The following DAB1 variants were observed in gnomAD, a reference collection of about 807,000 sequenced individuals.
DAB1 encodes disabled homolog 1.
In DAB1, 15 loss-of-function variants were observed where a neutral mutation model predicts 64.6. The observed-to-expected ratio is 0.23, with a 90% CI of 0.16 to 0.36. DAB1 has a LOEUF of 0.36. Ranked by LOEUF, DAB1 falls within the 10% of genes least tolerant of loss-of-function variation. DAB1 has a pLI of 1.00. For synonymous variants in DAB1, 235 were observed against 251.9 expected (o/e 0.93, Z 0.64); for missense variants, 596 against 706.7 (o/e 0.84, Z 1.78).
chr1:57,699,003 T>C (rs1646877237), intron 6 of DAB1, among the ~76,000 whole-genome samples: 1 of 152,220 alleles, frequency 6.6e-6, no homozygotes, highest in African/African-American at 2.4e-5. Flanking sequence ...AATGGCATGA[T>C]CATTGCTCAC....
chr1:58,514,160 T>C (rs1293345254), intron 2 of DAB1, among the ~76,000 whole-genome samples: 2 of 152,154 alleles, frequency 1.3e-5, no homozygotes, highest in African/African-American at 4.8e-5. Flanking sequence ...AGTGATGATG[T>C]CATGAATTTA....
At chr1:57,410,291 G>T (rs1378916415) in intron 1 of DAB1, among the ~76,000 whole-genome samples, 1 of 152,146 alleles carries the variant, frequency 6.6e-6, no homozygotes, top group African/African-American at 2.4e-5. Flanking sequence ...AGTGATGGTA[G>T]ACTTTAAAAA....
chr1:57,851,127 T>C (rs932401383), intron 1 of DAB1, among the ~76,000 whole-genome samples: 17 of 152,234 alleles, frequency 1.1e-4, no homozygotes, highest in Non-Finnish European at 4.4e-5. Flanking sequence ...CTCAGCTGAA[T>C]GCTAGCATCT....
chr1:57,388,051 C>T (rs183416079), intron 1 of DAB1, among the ~76,000 whole-genome samples: 1 of 152,320 alleles, frequency 6.6e-6, no homozygotes, highest in East Asian at 1.9e-4. Context: ...CTTTGGTGAA[C>T]TGCTGGACTC....
intron 4 of DAB1, among the ~76,000 whole-genome samples, chr1:57,098,488 G>A (rs911026438): frequency 2.6e-5 from 4 of 152,088 alleles, no homozygotes; most frequent in Admixed American, 2.6e-4. Flanking sequence ...TGTGTCTGGA[G>A]GGCAGAAGGA....
intron 5 of DAB1, among the ~76,000 whole-genome samples, chr1:58,112,647 T>C (rs953471921): frequency 1.3e-5 from 2 of 152,224 alleles, no homozygotes; most frequent in Admixed American, 6.5e-5. Flanking sequence ...TGTGTCACTC[T>C]TCATGGAAAC....
At position 57,386,390 on chromosome 1, in the gene DAB1, C is replaced by G. The variant is rs1322756805; in HGVS notation, c.-137+37540G>C. On this transcript the variant is annotated intron_variant, in intron 1 of 14. Coordinates refer to ENST00000371236, the MANE Select transcript of DAB1 (RefSeq NM_001365792.1). Reference sequence around the variant, plus strand: ...GGAAAAAAAAAAAAAAAAAAAAACCCGTCTTTTTCATCTCCATAAACACGG... The same window carrying G: ...GGAAAAAAAAAAAAAAAAAAAAACCGGTCTTTTTCATCTCCATAAACACGG... Among the ~76,000 whole-genome samples, 3 of 127,110 alleles carry G rather than the reference C, an allele frequency of 2.4e-5. 1 individual carries two copies. 83.4% of individuals were successfully genotyped at this position (127,110 alleles called of 152,430 possible). A position where few individuals can be genotyped will look rare whatever the true frequency, so the allele number is the denominator to read the frequency against.
Position 57,945,425 on chromosome 1 carries a change from ATTG to A in DAB1, n.388-61266_388-61264del, listed in dbSNP as rs1460783774. On this transcript the variant is annotated intron_variant and non_coding_transcript_variant, in intron 5 of 20. Coordinates refer to the DAB1 transcript ENST00000485760. Reference sequence around the variant, plus strand: ...CAGGCATATACCACCACACTTGCTAATTGTTATTATTATTATTATTATTATTAT... The same window carrying A: ...CAGGCATATACCACCACACTTGCTAATTATTATTATTATTATTATTATTAT... Among the ~76,000 whole-genome samples, 59 of 124,642 alleles carry A rather than the reference ATTG, an allele frequency of 4.7e-4. No homozygotes were observed. The East Asian group carries it at 5.6e-3, about 12-fold the overall frequency. 81.8% of individuals were successfully genotyped at this position (124,642 alleles called of 152,430 possible).
intron 3 of DAB1, among the ~76,000 whole-genome samples, chr1:58,425,290 G>C (rs1392363816): frequency 6.6e-6 from 1 of 152,200 alleles, no homozygotes; most frequent in Non-Finnish European, 1.5e-5. Flanking sequence ...AAGCCAGACT[G>C]AGAGAATGGA....
chr1:57,562,328 G>A lies in DAB1; in HGVS notation n.625+87264C>T, dbSNP rs565852679. 9.2e-5 allele frequency among the ~76,000 whole-genome samples: 14 copies of A among 152,332 alleles called. No homozygotes were observed. In the East Asian group the frequency reaches 2.1e-3, roughly 23 times the overall value. On this transcript the variant is annotated intron_variant and non_coding_transcript_variant, in intron 7 of 20. Transcript: ENST00000485760. ...ACAGAGGTTGCAATGAGCTGAGATC[G>A]TGCCACTGCACTCTAGCCTGGGTGA...
chr1:57,110,789 TA>T (rs1467457732), intron 4 of DAB1, among the ~76,000 whole-genome samples: 2 of 152,208 alleles, frequency 1.3e-5, no homozygotes, highest in East Asian at 3.9e-4. Context: ...CACCTTAGAA[TA>T]ACCCTATGCT....
intron 5 of DAB1, among the ~76,000 whole-genome samples, chr1:57,998,901 A>G (rs1646467557): frequency 6.6e-6 from 1 of 152,154 alleles, no homozygotes; most frequent in Admixed American, 6.5e-5. Context: ...TGGATTATCA[A>G]TTTTAGATTT....
chr1:58,326,806 A>G (rs569894418), intron 4 of DAB1, among the ~76,000 whole-genome samples: 44 of 152,242 alleles, frequency 2.9e-4, no homozygotes, highest in African/African-American at 1.0e-3. Context: ...CTGGGTCCGC[A>G]CTTCCCTGCA....
At chr1:58,171,488 C>A (rs1338126139) in intron 4 of DAB1, among the ~76,000 whole-genome samples, 1 of 152,224 alleles carries the variant, frequency 6.6e-6, no homozygotes, top group Non-Finnish European at 1.5e-5. Flanking sequence ...GGCAGTAATT[C>A]CTCCATATCC....
chr1:58,534,428 T>G (rs969463287), intron 1 of DAB1: 2 of 604,030 alleles, frequency 3.3e-6, no homozygotes, highest in African/African-American at 1.9e-5. Context: ...ATTGAACATT[T>G]TAAGTTTTAA....
At chr1:57,733,347 TA>T (rs1306252658) in intron 6 of DAB1, among the ~76,000 whole-genome samples, 22 of 152,082 alleles carry the variant, frequency 1.4e-4, no homozygotes, top group African/African-American at 5.1e-4. Context: ...TCCTAGAATG[TA>T]AGTTCCATGA....
chr1:58,133,199 T>G (rs2100700210), intron 5 of DAB1, among the ~76,000 whole-genome samples: 1 of 152,286 alleles, frequency 6.6e-6, no homozygotes, highest in Middle Eastern at 3.4e-3. Context: ...AACACTTGCT[T>G]TTTCCCCACC....
chr1:58,518,349 A>AAGGGAAGG (rs1646204855), intron 2 of DAB1, among the ~76,000 whole-genome samples: 4 of 59,724 alleles, frequency 6.7e-5, no homozygotes, highest in African/African-American at 1.9e-4. Context: ...AGAAGAGAAG[A>AAGGGAAGG]GAAGGGAAGG....
At chr1:57,511,548 T>C (rs1421615304) in intron 7 of DAB1, among the ~76,000 whole-genome samples, 1 of 152,236 alleles carries the variant, frequency 6.6e-6, no homozygotes, top group African/African-American at 2.4e-5. Flanking sequence ...TTTGTAGACA[T>C]AATTGCATAA....
Sources: allele counts gnomAD v4.1 joint callset (sites outside exome capture counted in the v4.1 genomes callset), GRCh38; gene constraint gnomAD v4.1.1; transcripts MANE v1.5; gene names NCBI Gene and HGNC (gene_info 2026-07-23, HGNC 2026-07-21).